NPLOC4: variants seen among roughly 807,000 people sequenced by gnomAD.
NPLOC4 encodes the protein NPL4 homolog, ubiquitin recognition factor, also known as nuclear protein localization protein 4 homolog.
Under a neutral mutation model 80.6 loss-of-function variants are expected in NPLOC4, and 18 were observed. The ratio of observed to expected loss-of-function variants is 0.22; its 90% confidence interval spans 0.15 to 0.33. The LOEUF (loss-of-function observed/expected upper bound fraction) is 0.33. Ranked by LOEUF, NPLOC4 falls within the 10% of genes least tolerant of loss-of-function variation. NPLOC4 has a pLI of 1.00. For missense variants in NPLOC4, 540 were observed against 786.1 expected (o/e 0.69, Z 3.74); for synonymous variants, 313 against 301.5 (o/e 1.04, Z -0.39).
At position 81,558,296 on chromosome 17, in the gene NPLOC4, G is replaced by T. The variant is rs1006666154; in HGVS notation, c.*963C>A. 8.5e-5 allele frequency: 13 copies of T among 152,362 alleles called. No individual in the cohort carries two copies. The highest frequency in any genetic ancestry group is 1.6e-4 in the Non-Finnish European group (11 of 68,144). The allele number at this position is 152,362 out of a possible 1,614,324, so 9.4% of individuals were successfully genotyped here. A position where few individuals can be genotyped will look rare whatever the true frequency, so the allele number is the denominator to read the frequency against. ...CAGTGGGACGAAGCAGCGTATTGGG[G>T]AGGGCCAGAGCATCGGCACCGGTGA... On this transcript the variant is annotated 3_prime_UTR_variant, in exon 17 of 17. Transcript: ENST00000331134.
intron 3 of NPLOC4, 69 bp from the exon 4 acceptor site, chr17:81,613,563 A>T: frequency 1.3e-6 from 2 of 1,487,750 alleles, no homozygotes; most frequent in South Asian, 2.6e-5. Flanking sequence ...CCCAACTTGG[A>T]TATCTGCAAA....
chr17:81,579,364 C>G (rs1431775020), intron 12 of NPLOC4, among the ~76,000 whole-genome samples: 1 of 152,148 alleles, frequency 6.6e-6, no homozygotes, highest in Non-Finnish European at 1.5e-5. Context: ...GGTGACAGAG[C>G]GAGACTCCAT....
At chr17:81,621,567 G>T (rs188226171) in intron 3 of NPLOC4, among the ~76,000 whole-genome samples, 1 of 152,286 alleles carries the variant, frequency 6.6e-6, no homozygotes, top group African/African-American at 2.4e-5. Context: ...GCCAGCACCC[G>T]TGTTCCGTAA....
intron 3 of NPLOC4, among the ~76,000 whole-genome samples, chr17:81,617,211 A>G (rs1442149205): frequency 6.6e-6 from 1 of 152,224 alleles, no homozygotes; most frequent in Admixed American, 6.5e-5. Context: ...CAGGAGCCAC[A>G]TGGCCCCTGT....
chr17:81,579,834 C>T (rs538831186), intron 12 of NPLOC4, among the ~76,000 whole-genome samples: 7 of 152,196 alleles, frequency 4.6e-5, no homozygotes, highest in South Asian at 2.1e-4. Context: ...GGCAGTGAAA[C>T]CCCCCGAAAG....
Position 81,637,072 on chromosome 17 carries a change from G to T in NPLOC4, c.-142C>A. 4.9e-6 allele frequency: 2 copies of T among 406,316 alleles called. No homozygotes were observed. The highest frequency in any genetic ancestry group is 1.1e-4 in the South Asian group (1 of 9,224). 25.2% of individuals were successfully genotyped at this position (406,316 alleles called of 1,614,324 possible). ...ACCGCCGCTCCAGCTTCGCCCGCCCGGCTCCGCCAGCCGCCGACGTCCCGG... is the reference window on the plus strand; with the variant it reads ...ACCGCCGCTCCAGCTTCGCCCGCCCTGCTCCGCCAGCCGCCGACGTCCCGG... On this transcript the variant is annotated 5_prime_UTR_variant, in exon 1 of 17. Transcript: ENST00000331134.
rs752728948 is a variant in NPLOC4, at chr17:81,610,286, C to G, written c.387-28G>C. The G allele has an allele frequency of 5.1e-6, 8 of 1,560,154 alleles. No individual in the cohort carries two copies. In the South Asian group the frequency reaches 9.5e-5, roughly 18 times the overall value. ...GAGGAGAGTACAAGGCAGAAAAAGG[C>G]AGAGCAGTGAGGATGTCTGTGTTCC... On this transcript the variant is annotated intron_variant, in intron 4 of 16. Transcript: ENST00000331134.
In NPLOC4 at chr17:81,572,314, A is replaced by C. The variant is rs1241989870; in HGVS notation, c.1282-226T>G. ...CACCATTCTCCTGCCTCAGCCTCCC[A>C]AGTAGCTGGGACTACAGGCGCCCGC... On this transcript the variant is annotated intron_variant, in intron 12 of 16. Coordinates refer to ENST00000331134, the MANE Select transcript of NPLOC4 (RefSeq NM_017921.4). This position sits in a 1 kb window ranked among gnomAD's most constrained non-coding sequence, Gnocchi z 4.5. Among the ~76,000 whole-genome samples the C allele has an allele frequency of 2.6e-5, 4 of 151,612 alleles. No individual in the cohort carries two copies. The highest frequency in any genetic ancestry group is 5.9e-5 in the Non-Finnish European group (4 of 67,902).
chr17:81,618,409 C>A (rs1286910360), intron 3 of NPLOC4, among the ~76,000 whole-genome samples: 2 of 147,020 alleles, frequency 1.4e-5, no homozygotes, highest in African/African-American at 5.1e-5. Flanking sequence ...AGTGAGGAGC[C>A]CCTCCGCCCC....
chr17:81,559,955 G>C (rs552752855), intron 16 of NPLOC4, among the ~76,000 whole-genome samples: 1 of 151,174 alleles, frequency 6.6e-6, no homozygotes, highest in South Asian at 2.1e-4. Context: ...GGCTGGTCTC[G>C]AACTCCTGAC....
intron 2 of NPLOC4, among the ~76,000 whole-genome samples, chr17:81,623,792 C>T (rs1466801209): frequency 7.7e-5 from 9 of 117,392 alleles, no homozygotes; most frequent in East Asian, 3.2e-4. Context: ...AGCGAGACTC[C>T]GTCTCAAAAA....
intron 16 of NPLOC4, 151 bp downstream of exon 16, chr17:81,565,354 C>A: frequency 1.3e-6 from 1 of 743,560 alleles, no homozygotes; most frequent in Non-Finnish European, 2.4e-6. Flanking sequence ...GCAGGGAGGC[C>A]GAGTCTCTAC....
chr17:81,559,180 AG>A lies in NPLOC4; in HGVS notation c.*78del, dbSNP rs2033759835. The A allele has an allele frequency of 4.8e-6, 7 of 1,453,806 alleles. No homozygotes were observed. The highest frequency in any genetic ancestry group is 5.5e-6 in the Non-Finnish European group (6 of 1,088,890). The allele number at this position is 1,453,806 out of a possible 1,614,324, so 90.1% of individuals were successfully genotyped here. On this transcript the variant is annotated 3_prime_UTR_variant, in exon 17 of 17. Coordinates refer to ENST00000331134, the MANE Select transcript of NPLOC4 (RefSeq NM_017921.4). Reference sequence around the variant, plus strand: ...GGGCTGCCCACTATGGGGCAGTTACAGGGAACACACTCAGCAACGCTTCTGG... The same window carrying A: ...GGGCTGCCCACTATGGGGCAGTTACAGGAACACACTCAGCAACGCTTCTGG...
Position 81,558,524 on chromosome 17 carries a change from A to G in NPLOC4, c.*735T>C, listed in dbSNP as rs1397944985. 2 of 152,140 alleles carry G rather than the reference A, an allele frequency of 1.3e-5. No individual in the cohort carries two copies. Among genetic ancestry groups the G allele is most frequent in the African/African-American group, 2.4e-5 (1 of 41,416 alleles). 9.4% of individuals were successfully genotyped at this position (152,140 alleles called of 1,614,324 possible). A position where few individuals can be genotyped will look rare whatever the true frequency, so the allele number is the denominator to read the frequency against. On this transcript the variant is annotated 3_prime_UTR_variant, in exon 17 of 17. Coordinates refer to ENST00000331134, the MANE Select transcript of NPLOC4 (RefSeq NM_017921.4). ...TGGACACAACCTCGGGGGCTTCACTAAAGGAGGGAAGGATGTGGAAACTAG... is the reference window on the plus strand; with the variant it reads ...TGGACACAACCTCGGGGGCTTCACTGAAGGAGGGAAGGATGTGGAAACTAG...
chr17:81,636,628 G>A (rs2036083448), intron 1 of NPLOC4: 1 of 324,294 alleles, frequency 3.1e-6, no homozygotes, highest in Non-Finnish European at 5.6e-6. Flanking sequence ...AAGGAGGGCG[G>A]TTTCTCTTCG....
At position 81,629,798 on chromosome 17, in the gene NPLOC4, C is replaced by T; in HGVS notation, c.23G>A (p.Arg8His). The change falls in exon 2 of 17, where the codon CGT becomes CAT. Residue 8 changes from arginine to histidine, a missense_variant. Physicochemically the swap from Arg to His is conservative, Grantham distance 29. Coordinates refer to ENST00000331134, the MANE Select transcript of NPLOC4 (RefSeq NM_017921.4). The stretch of plus-strand genomic sequence containing the variant: ...CTTCACTCCATCCGGGGACTGGACA[C>T]GAATTATCTGTTGCAAACAAAACAT... MAESIII[R>H]VQSPDGVKRI... 6.2e-7 allele frequency: 1 copy of T among 1,612,706 alleles called. No individual in the cohort carries two copies. Among genetic ancestry groups the T allele is most frequent in the Non-Finnish European group, 8.5e-7 (1 of 1,178,804 alleles).
chr17:81,634,007 G>C (rs1471944441), intron 1 of NPLOC4, among the ~76,000 whole-genome samples: 3 of 151,786 alleles, frequency 2.0e-5, no homozygotes, highest in African/African-American at 7.3e-5. Flanking sequence ...GGGACTACAG[G>C]TGCACGCCAC....
chr17:81,579,112 C>T (rs1340127377), intron 12 of NPLOC4, among the ~76,000 whole-genome samples: 1 of 152,182 alleles, frequency 6.6e-6, no homozygotes, highest in Non-Finnish European at 1.5e-5. Context: ...TGGTGGCTCA[C>T]GCCTGTAGTT....
In NPLOC4 at chr17:81,596,044, A is replaced by T. The variant is rs1037756855; in HGVS notation, c.1120+72T>A. 3 of 1,477,322 alleles carry T rather than the reference A, an allele frequency of 2.0e-6. No individual in the cohort carries two copies. The Admixed American group carries it at 5.8e-5, about 29-fold the overall frequency. The allele number at this position is 1,477,322 out of a possible 1,614,324, so 91.5% of individuals were successfully genotyped here. A position where few individuals can be genotyped will look rare whatever the true frequency, so the allele number is the denominator to read the frequency against. ...CAGTATAACTAAGTTAAGGATAAAAAGCTACCAAAAAGAGGAACAAAATAT... is the reference window on the plus strand; with the variant it reads ...CAGTATAACTAAGTTAAGGATAAAATGCTACCAAAAAGAGGAACAAAATAT... On this transcript the variant is annotated intron_variant, in intron 11 of 16. Transcript: ENST00000331134.
Sources: allele counts gnomAD v4.1 joint callset (sites outside exome capture counted in the v4.1 genomes callset), GRCh38; gene constraint gnomAD v4.1.1; non-coding constraint Gnocchi (gnomAD v3.1); transcripts MANE v1.5; gene names NCBI Gene and HGNC (gene_info 2026-07-23, HGNC 2026-07-21).